The following PDE9A variants were observed in gnomAD, a reference collection of about 807,000 sequenced individuals.
The protein encoded by PDE9A is high affinity cGMP-specific 3',5'-cyclic phosphodiesterase 9A.
Under a neutral mutation model 87.4 loss-of-function variants are expected in PDE9A, and 60 were observed. The ratio of observed to expected loss-of-function variants is 0.69; its 90% CI spans 0.56 to 0.85. The LOEUF is 0.85. Ranked by LOEUF, PDE9A falls within the 40% of genes least tolerant of loss-of-function variation. The pLI, the probability that PDE9A is intolerant of heterozygous loss-of-function variation, is 0.00. For synonymous variants in PDE9A, 272 were observed against 279.4 expected (o/e 0.97, Z 0.27); for missense variants, 665 against 779.0 (o/e 0.85, Z 1.74).
chr21:42,753,841 G>T lies in PDE9A; in HGVS notation c.736-149G>T, dbSNP rs2054691866. 3 of 526,160 alleles carry T rather than the reference G, an allele frequency of 5.7e-6. No homozygotes were observed. The South Asian group carries it at 7.3e-5, about 13-fold the overall frequency. 32.6% of individuals were successfully genotyped at this position (526,160 alleles called of 1,614,324 possible). On this transcript the variant is annotated intron_variant, in intron 9 of 19. Transcript: ENST00000291539. Reference sequence around the variant, plus strand: ...ATCGCACCACTGCACTCCAGCGTGGGCAAGAGTGAGACTCTATCTCAAAAA... The same window carrying T: ...ATCGCACCACTGCACTCCAGCGTGGTCAAGAGTGAGACTCTATCTCAAAAA...
intron 2 of PDE9A, 51 bp downstream of exon 2, chr21:42,686,313 C>T: frequency 6.8e-7 from 1 of 1,479,486 alleles, no homozygotes; most frequent in Non-Finnish European, 9.4e-7. Flanking sequence ...GCCTCCTCGC[C>T]TTTTCGGGAT....
chr21:42,768,414 G>A, intron 16 of PDE9A, 122 bp downstream of exon 16: 1 of 1,034,788 alleles, frequency 9.7e-7, no homozygotes, highest in Non-Finnish European at 1.4e-6. Flanking sequence ...CGACAGTTCA[G>A]CCTCCAGAAA....
chr21:42,677,599 G>T (rs191758885), intron 1 of PDE9A, among the ~76,000 whole-genome samples: 2 of 151,696 alleles, frequency 1.3e-5, no homozygotes, highest in Non-Finnish European at 1.5e-5. Flanking sequence ...TCTTTCATTC[G>T]CCAGCCTGTC....
intron 1 of PDE9A, among the ~76,000 whole-genome samples, chr21:42,657,159 A>G (rs1458456090): frequency 6.6e-6 from 1 of 152,152 alleles, no homozygotes; most frequent in Non-Finnish European, 1.5e-5. Flanking sequence ...TTTGTGCAGA[A>G]CTGGTAGCCA....
intron 19 of PDE9A, among the ~76,000 whole-genome samples, chr21:42,772,886 G>A (rs923163926): frequency 2.7e-5 from 4 of 150,518 alleles, no homozygotes; most frequent in African/African-American, 7.3e-5. Context: ...CACCCACCTC[G>A]GCCTCCCAAA....
chr21:42,762,436 C>T (rs1004582369), intron 14 of PDE9A, among the ~76,000 whole-genome samples, 197 bp downstream of exon 14: 1 of 152,204 alleles, frequency 6.6e-6, no homozygotes, highest in Non-Finnish European at 1.5e-5. Context: ...CCTCGCCATG[C>T]GCACGTGCAT....
intron 4 of PDE9A, among the ~76,000 whole-genome samples, chr21:42,718,233 C>T (rs1458217158): frequency 2.0e-5 from 3 of 151,752 alleles, no homozygotes; most frequent in African/African-American, 7.2e-5. Context: ...GATTTCTTTC[C>T]TTTATCTTTA....
At chr21:42,670,007 C>T (rs921630528) in intron 1 of PDE9A, among the ~76,000 whole-genome samples, 1 of 152,108 alleles carries the variant, frequency 6.6e-6, no homozygotes, top group African/African-American at 2.4e-5. Context: ...TCAACAGATG[C>T]ATGGCAATAA....
At position 42,690,406 on chromosome 21, in the gene PDE9A, G is replaced by A. The variant is rs541588657; in HGVS notation, c.218+2412G>A. On this transcript the variant is annotated intron_variant, in intron 3 of 19. Coordinates refer to ENST00000291539, the MANE Select transcript of PDE9A (RefSeq NM_002606.3). ...AATGGATCTAGACAGCGATGTGGAT[G>A]TGATCTAGATAATGTGGCTCTGGAC... is the stretch of plus-strand genomic sequence containing the variant. 2.6e-5 allele frequency among the ~76,000 whole-genome samples: 4 copies of A among 152,262 alleles called. No homozygotes were observed. The East Asian group carries it at 5.8e-4, about 22-fold the overall frequency.
At chr21:42,744,439 T>C (rs35539447) in intron 8 of PDE9A, among the ~76,000 whole-genome samples, 4,325 of 152,278 alleles carry the variant, frequency 0.028, 93 homozygotes, top group South Asian at 0.052. Flanking sequence ...ATCCAAGCCT[T>C]AGGAGCAATG....
intron 13 of PDE9A, 103 bp from the exon 14 acceptor site, chr21:42,761,980 T>C (rs2055828592): frequency 6.6e-6 from 8 of 1,218,124 alleles, no homozygotes; most frequent in Non-Finnish European, 6.9e-6. Context: ...CGGCACCTTC[T>C]CCTGACTCTA....
chr21:42,769,693 T>TAC (rs762240807), intron 17 of PDE9A, among the ~76,000 whole-genome samples: 3 of 40,882 alleles, frequency 7.3e-5, no homozygotes, highest in East Asian at 6.7e-4. Context: ...GGCACACACA[T>TAC]ACACACATGC....
In PDE9A at chr21:42,770,763, G is replaced by A. The variant is rs778256490; in HGVS notation, c.1651G>A (p.Glu551Lys). Residue 551 changes from glutamate (E) to lysine (K), a missense_variant, in exon 18 of 20, where the codon GAG becomes AAG. Physicochemically the swap from Glu to Lys is moderately conservative, Grantham distance 56 (BLOSUM62 1). Coordinates refer to ENST00000291539, the MANE Select transcript of PDE9A (RefSeq NM_002606.3). ...QPLWESRDRY[E>K]ELKRIDDAMK... is the part of the protein sequence containing the mutation. The stretch of plus-strand genomic sequence containing the variant: ...ACTTTGGGAATCCCGAGATCGCTAC[G>A]AGGAGCTGAAGCGGATAGATGACGC... The A allele has an allele frequency of 9.3e-6, 15 of 1,613,958 alleles. No homozygotes were observed. Among genetic ancestry groups the A allele is most frequent in the East Asian group, 6.7e-5 (3 of 44,884 alleles).
chr21:42,678,973 G>A (rs994734444), intron 1 of PDE9A, among the ~76,000 whole-genome samples: 1 of 152,238 alleles, frequency 6.6e-6, no homozygotes, highest in Non-Finnish European at 1.5e-5. Context: ...CTCACTGGAC[G>A]AGTCCCCTCC....
rs2146289496 is a variant in PDE9A, at chr21:42,695,716, G to A, written c.219-3252G>A. On this transcript the variant is annotated intron_variant, in intron 3 of 19. Transcript: ENST00000291539. The surrounding 1 kb of genome is among the most constrained non-coding windows in gnomAD (Gnocchi z 4.3). ...TTTTAAAAGAGGTCTTAGAGCCCAGGCAGTTAGATCTTAGAAAAAGACAAA... is the reference window on the plus strand; with the variant it reads ...TTTTAAAAGAGGTCTTAGAGCCCAGACAGTTAGATCTTAGAAAAAGACAAA... 6.6e-6 allele frequency among the ~76,000 whole-genome samples: 1 copy of A among 152,336 alleles called. No homozygotes were observed. Among genetic ancestry groups the A allele is most frequent in the Non-Finnish European group, 1.5e-5 (1 of 68,028 alleles).
At chr21:42,674,884 C>T (rs1364971053) in intron 1 of PDE9A, among the ~76,000 whole-genome samples, 1 of 152,236 alleles carries the variant, frequency 6.6e-6, no homozygotes, top group African/African-American at 2.4e-5. Context: ...GTGCAGCATG[C>T]TCGTAGGCTG....
At chr21:42,664,959 T>C (rs1409139299) in intron 1 of PDE9A, among the ~76,000 whole-genome samples, 3 of 152,266 alleles carry the variant, frequency 2.0e-5, no homozygotes, top group Non-Finnish European at 1.5e-5. Context: ...TCCCGTTAGT[T>C]GGAAATAGGG....
intron 18 of PDE9A, among the ~76,000 whole-genome samples, 164 bp from the exon 19 acceptor site, chr21:42,772,275 G>A (rs750066893): frequency 6.6e-6 from 1 of 152,208 alleles, no homozygotes; most frequent in Non-Finnish European, 1.5e-5. Context: ...ATGCAGAGCT[G>A]CCTCTGAAAA....
At chr21:42,744,360 A>T (rs1483091968) in intron 8 of PDE9A, among the ~76,000 whole-genome samples, 1 of 152,180 alleles carries the variant, frequency 6.6e-6, no homozygotes, top group Admixed American at 6.5e-5. Context: ...GTCTCAAGAA[A>T]AAAAGAGCAC....
Sources: gnomAD v4.1 joint callset for allele counts (sites outside exome capture counted in the v4.1 genomes callset) on GRCh38, gnomAD v4.1.1 for gene constraint, Gnocchi (gnomAD v3.1) non-coding constraint, MANE v1.5 for transcripts, NCBI Gene and HGNC (gene_info 2026-07-23, HGNC 2026-07-21) for gene names.